GAK: variants seen among roughly 807,000 people sequenced by gnomAD.
The protein encoded by GAK is cyclin-G-associated kinase.
GAK carries 79 observed loss-of-function variants against 143.9 expected under a neutral mutation model. The ratio of observed to expected loss-of-function variants is 0.55; its 90% CI spans 0.46 to 0.66. GAK has a LOEUF of 0.66. Ranked by LOEUF, GAK falls within the 30% of genes least tolerant of loss-of-function variation. The pLI is 0.00. For synonymous variants in GAK, 881 were observed against 765.5 expected (o/e 1.15, Z -2.49); for missense variants, 1,693 against 1,779.7 (o/e 0.95, Z 0.88).
chr4:881,663 C>A (rs1715133191), intron 15 of GAK, among the ~76,000 whole-genome samples: 1 of 152,258 alleles, frequency 6.6e-6, no homozygotes, highest in Non-Finnish European at 1.5e-5. Flanking sequence ...AACCTAGGAT[C>A]CATGCACAAG....
At chr4:884,110 T>C (rs376813773) in intron 11 of GAK, 24 bp from the exon 12 acceptor site, 68 of 1,607,678 alleles carry the variant, frequency 4.2e-5, no homozygotes, top group African/African-American at 5.3e-5. Context: ...GAAGAGAACT[T>C]GGTTATGACA....
chr4:928,219 A>T (rs1725153765), intron 1 of GAK, among the ~76,000 whole-genome samples: 1 of 152,108 alleles, frequency 6.6e-6, no homozygotes, highest in African/African-American at 2.4e-5. Flanking sequence ...CACCATGCCC[A>T]GCTAGTTTTT....
intron 1 of GAK, among the ~76,000 whole-genome samples, chr4:930,081 A>G (rs1164911874): frequency 6.6e-6 from 1 of 152,228 alleles, no homozygotes; most frequent in Non-Finnish European, 1.5e-5. Context: ...TCTGTACTCA[A>G]GGGTTCAGAT....
chr4:866,663 C>A, intron 21 of GAK, 129 bp from the exon 22 acceptor site: 1 of 1,014,186 alleles, frequency 9.9e-7, no homozygotes, highest in Non-Finnish European at 1.4e-6. Flanking sequence ...GCTGCCCTCG[C>A]AGGGGCACTG....
chr4:882,213 G>C (rs187043935), intron 14 of GAK, among the ~76,000 whole-genome samples, 173 bp from the exon 15 acceptor site: 1 of 152,338 alleles, frequency 6.6e-6, no homozygotes, highest in Admixed American at 6.5e-5. Context: ...CAAGAATGGA[G>C]CCCAACAGAG....
intron 11 of GAK, among the ~76,000 whole-genome samples, chr4:885,045 C>G (rs147559376): frequency 8.0e-5 from 12 of 149,784 alleles, no homozygotes; most frequent in Non-Finnish European, 9.0e-5. Context: ...GTTTTAAAAG[C>G]CGTCTAAACC....
In GAK at chr4:932,291, C is replaced by T; in HGVS notation, c.-104G>A. The T allele has an allele frequency of 7.2e-7, 1 of 1,388,792 alleles. No homozygotes were observed. The highest frequency in any genetic ancestry group is 9.3e-7 in the Non-Finnish European group (1 of 1,079,528). 86.0% of individuals were successfully genotyped at this position (1,388,792 alleles called of 1,614,324 possible). On this transcript the variant is annotated 5_prime_UTR_variant, in exon 1 of 28. It adds an upstream start codon to the 5' untranslated region. Coordinates refer to ENST00000314167, the MANE Select transcript of GAK (RefSeq NM_005255.4). This position sits in a 1 kb window ranked among gnomAD's most constrained non-coding sequence, Gnocchi z 4.0. ...CAGCAACCGCCGGCCCGGAGGTGCA[C>T]CATCTTCCGCCTCGACGCCGTGACG... is the stretch of plus-strand genomic sequence containing the variant.
At chr4:860,919 C>T (rs896048467) in intron 23 of GAK, among the ~76,000 whole-genome samples, 2 of 152,234 alleles carry the variant, frequency 1.3e-5, no homozygotes, top group Non-Finnish European at 2.9e-5. Context: ...TTTCCGCACG[C>T]CATGTGCACT....
At chr4:926,709 T>C (rs1317177214) in intron 1 of GAK, among the ~76,000 whole-genome samples, 4 of 152,124 alleles carry the variant, frequency 2.6e-5, no homozygotes, top group Non-Finnish European at 2.9e-5. Context: ...GTGAAGGCGG[T>C]TGGTACCAGG....
At position 877,143 on chromosome 4, in the gene GAK, G is replaced by A; in HGVS notation, c.1921C>T (p.Leu641Phe). 1.2e-6 allele frequency: 2 copies of A among 1,613,984 alleles called. No homozygotes were observed. Among genetic ancestry groups the A allele is most frequent in the Non-Finnish European group, 1.7e-6 (2 of 1,179,924 alleles). ...PLGVTVQGDV[L>F]IVIYHARSTL... ...GACCGGGCGTGATAGATGACGATGA[G>A]CACGTCTCCTTGCACCGTGACGCCC... The change falls in exon 17 of 28, where the codon CTC becomes TTC. Residue 641 changes from leucine to phenylalanine, a missense_variant. By Grantham distance (22) the Leu-to-Phe change is conservative. Around this residue, in one of 2 missense-constraint regions of GAK, gnomAD observed 871 missense variants for 991.0 expected, o/e 0.88. Coordinates refer to ENST00000314167, the MANE Select transcript of GAK (RefSeq NM_005255.4).
At chr4:879,198 T>C (rs1482318371) in intron 15 of GAK, among the ~76,000 whole-genome samples, 1 of 152,174 alleles carries the variant, frequency 6.6e-6, no homozygotes, top group East Asian at 1.9e-4. Context: ...TAGTACGCTC[T>C]TCCCCCACCA....
intron 14 of GAK, 44 bp from the exon 15 acceptor site, chr4:882,084 AGG>A: frequency 6.4e-7 from 1 of 1,556,610 alleles, no homozygotes; most frequent in South Asian, 1.2e-5. Context: ...GCACTCATGC[AGG>A]ACAAGGGCTC....
intron 9 of GAK, 29 bp downstream of exon 9, chr4:893,348 G>T (rs757403378): frequency 9.6e-6 from 14 of 1,462,856 alleles, no homozygotes; most frequent in Non-Finnish European, 1.2e-5. Context: ...CACTGCGGGG[G>T]ATTTGGGGCT....
At chr4:883,180 G>A (rs575065746) in intron 13 of GAK, 135 bp downstream of exon 13, 15 of 1,030,292 alleles carry the variant, frequency 1.5e-5, no homozygotes, top group Middle Eastern at 3.2e-4. Context: ...CCTGTCCCAC[G>A]CTCTGCAGCC....
At position 889,060 on chromosome 4, in the gene GAK, TCGGTCCCACCTCCCCAGGC is replaced by T. The variant is rs1276410808; in HGVS notation, c.1082-109_1082-91del. On this transcript the variant is annotated intron_variant, in intron 10 of 27. Transcript: ENST00000314167. ...CTGGCTGGGCCCAGGCCCCAGGCGCTCGGTCCCACCTCCCCAGGCGCTCGGTCCCACCTCCCCAGGTGCA... is the reference window on the plus strand; with the variant it reads ...CTGGCTGGGCCCAGGCCCCAGGCGCTGCTCGGTCCCACCTCCCCAGGTGCA... 3.9e-5 allele frequency: 55 copies of T among 1,417,238 alleles called. 1 individual carries two copies. Among genetic ancestry groups the T allele is most frequent in the Middle Eastern group, 5.0e-4 (2 of 3,968 alleles). 87.8% of individuals were successfully genotyped at this position (1,417,238 alleles called of 1,614,324 possible).
chr4:865,331 T>C (rs1750977463), intron 22 of GAK, 87 bp from the exon 23 acceptor site: 3 of 1,512,706 alleles, frequency 2.0e-6, no homozygotes, highest in Non-Finnish European at 2.7e-6. Context: ...CTCAGGGCCC[T>C]AGGAGCGGAC....
chr4:861,783 C>T (rs1750323561), intron 23 of GAK, among the ~76,000 whole-genome samples: 1 of 152,184 alleles, frequency 6.6e-6, no homozygotes, highest in Admixed American at 6.6e-5. Context: ...TCGGACCAGC[C>T]CCACTGCCCA....
Position 932,288 on chromosome 4 carries a change from G to T in GAK, c.-101C>A. ...GCTCAGCAACCGCCGGCCCGGAGGTGCACCATCTTCCGCCTCGACGCCGTG... is the reference window on the plus strand; with the variant it reads ...GCTCAGCAACCGCCGGCCCGGAGGTTCACCATCTTCCGCCTCGACGCCGTG... On this transcript the variant is annotated 5_prime_UTR_variant, in exon 1 of 28. Coordinates refer to ENST00000314167, the MANE Select transcript of GAK (RefSeq NM_005255.4). This position sits in a 1 kb window ranked among gnomAD's most constrained non-coding sequence, Gnocchi z 4.0. 7.2e-7 allele frequency: 1 copy of T among 1,393,602 alleles called. No individual in the cohort carries two copies. Among genetic ancestry groups the T allele is most frequent in the East Asian group, 3.0e-5 (1 of 33,826 alleles). 86.3% of individuals were successfully genotyped at this position (1,393,602 alleles called of 1,614,324 possible).
At chr4:916,514 G>A (rs148335788) in intron 1 of GAK, among the ~76,000 whole-genome samples, 84 of 152,218 alleles carry the variant, frequency 5.5e-4, no homozygotes, top group Middle Eastern at 3.4e-3. Flanking sequence ...GAGCCACCAC[G>A]CCCAGAAAAC....
Sources: gnomAD v4.1 joint callset for allele counts (sites outside exome capture counted in the v4.1 genomes callset) on GRCh38, gnomAD v4.1.1 for gene constraint, gnomAD v4.1.1 regional missense constraint, Gnocchi (gnomAD v3.1) non-coding constraint, MANE v1.5 for transcripts, NCBI Gene and HGNC (gene_info 2026-07-23, HGNC 2026-07-21) for gene names.